Variants in STK10 observed in about 807,000 individuals in gnomAD.
STK10 encodes serine/threonine kinase 10.
STK10 carries 78 observed loss-of-function variants against 113.8 expected under a neutral mutation model. The observed-to-expected ratio is 0.69, with a 90% CI of 0.57 to 0.83. The LOEUF (loss-of-function observed/expected upper bound fraction) is 0.83. Among genes scored for constraint, STK10 ranks in the 40% least tolerant of loss-of-function variants. The pLI, the probability that STK10 is intolerant of heterozygous loss-of-function variation, is 0.00. For missense variants in STK10, 1,109 were observed against 1,280.1 expected (o/e 0.87, Z 2.04); for synonymous variants, 465 against 494.7 (o/e 0.94, Z 0.80).
chr5:172,163,941 G>A (rs1205757258), intron 1 of STK10, among the ~76,000 whole-genome samples: 1 of 152,128 alleles, frequency 6.6e-6, no homozygotes, highest in African/African-American at 2.4e-5. Context: ...GCCAGGCGCG[G>A]TGGCTGACCC....
At chr5:172,058,787 G>A (rs1191576836) in intron 14 of STK10, among the ~76,000 whole-genome samples, 19 of 152,066 alleles carry the variant, frequency 1.2e-4, no homozygotes, top group Admixed American at 1.2e-3. Context: ...CTGCTCAGGG[G>A]CCTAAGGCAT....
In STK10 at chr5:172,082,429, TG is replaced by T; in HGVS notation, c.1885del (p.Gln629LysfsTer31). The T allele has an allele frequency of 6.2e-7, 1 of 1,612,146 alleles. No individual in the cohort carries two copies. Among genetic ancestry groups the T allele is most frequent in the Non-Finnish European group, 8.5e-7 (1 of 1,179,118 alleles). ...QQKQQVEKME[Q>X]DHAVRRREEA... ...CTCCCGGCGGCGCACGGCATGGTCT[TG>T]CTCCATCTTCTCCACTTGCTGCTTT... On this transcript the variant is annotated frameshift_variant, in exon 12 of 19. Coordinates refer to ENST00000176763, the MANE Select transcript of STK10 (RefSeq NM_005990.4). LOFTEE classifies it high-confidence loss of function. This position sits in a 1 kb window ranked among gnomAD's most constrained non-coding sequence, Gnocchi z 4.3.
intron 7 of STK10, among the ~76,000 whole-genome samples, chr5:172,100,111 A>C (rs140978873): frequency 4.7e-4 from 72 of 152,308 alleles, no homozygotes; most frequent in African/African-American, 1.7e-3. Context: ...CTGGGACACA[A>C]AACACAGACC....
intron 1 of STK10, among the ~76,000 whole-genome samples, chr5:172,173,375 C>G (rs1054053449): frequency 6.6e-6 from 1 of 152,210 alleles, no homozygotes; most frequent in Non-Finnish European, 1.5e-5. Context: ...CTGGCTCTGA[C>G]AGTGGCAACT....
Position 172,188,156 on chromosome 5 carries a change from C to T in STK10, c.-114G>A, listed in dbSNP as rs1435520356. ...AGGACGCCGCGTCTCTCGGGGTTCT[C>T]CCCAGACCCGCCTTTCCCCGCAGCC... On this transcript the variant is annotated 5_prime_UTR_variant, in exon 1 of 19. Coordinates refer to ENST00000176763, the MANE Select transcript of STK10 (RefSeq NM_005990.4). The surrounding 1 kb of genome is among the most constrained non-coding windows in gnomAD (Gnocchi z 5.6). 2 of 1,458,902 alleles carry T rather than the reference C, an allele frequency of 1.4e-6. No homozygotes were observed. The highest frequency in any genetic ancestry group is 1.4e-5 in the African/African-American group (1 of 69,652). 90.4% of individuals were successfully genotyped at this position (1,458,902 alleles called of 1,614,324 possible).
chr5:172,179,514 C>G (rs780972674), intron 1 of STK10, among the ~76,000 whole-genome samples: 1 of 152,182 alleles, frequency 6.6e-6, no homozygotes. Flanking sequence ...CTGTTTGTTT[C>G]GATCCCTTCC....
At chr5:172,179,621 C>CGGGCCCCCCT (rs3839236) in intron 1 of STK10, among the ~76,000 whole-genome samples, 1 of 151,758 alleles carries the variant, frequency 6.6e-6, no homozygotes, top group African/African-American at 2.4e-5. Context: ...ACGCAGAAGC[C>CGGGCCCCCCT]GAAGGGCGTC....
rs1270330224 is a variant in STK10, at chr5:172,067,676, A to AT, written c.1990-2865dup. On this transcript the variant is annotated intron_variant, in intron 12 of 18. Coordinates refer to ENST00000176763, the MANE Select transcript of STK10 (RefSeq NM_005990.4). Reference sequence around the variant, plus strand: ...AAATTAGAAAATTTAAAACTAAACAATACAATGTCTGAAATTAAAATAAAA... The same window carrying AT: ...AAATTAGAAAATTTAAAACTAAACAATTACAATGTCTGAAATTAAAATAAAA... 3.3e-5 allele frequency among the ~76,000 whole-genome samples: 5 copies of AT among 151,888 alleles called. No individual in the cohort carries two copies. The East Asian group carries it at 9.6e-4, about 29-fold the overall frequency.
intron 3 of STK10, among the ~76,000 whole-genome samples, chr5:172,124,236 A>G (rs1159434855): frequency 6.6e-6 from 1 of 152,076 alleles, no homozygotes; most frequent in South Asian, 2.1e-4. Context: ...ATCTCTTATC[A>G]TAACTCTTTA....
intron 12 of STK10, among the ~76,000 whole-genome samples, chr5:172,065,514 C>T (rs765383460): frequency 2.0e-5 from 3 of 152,040 alleles, no homozygotes; most frequent in South Asian, 2.1e-4. Context: ...CATGTGCCAC[C>T]GCGCCTGGCC....
intron 12 of STK10, among the ~76,000 whole-genome samples, chr5:172,074,090 T>A (rs1768258959): frequency 6.6e-6 from 1 of 152,176 alleles, no homozygotes; most frequent in African/African-American, 2.4e-5. Context: ...AGATATGTTA[T>A]GCTCAATATT....
intron 12 of STK10, 137 bp from the exon 13 acceptor site, chr5:172,064,949 G>A: frequency 4.6e-6 from 4 of 869,602 alleles, no homozygotes; most frequent in Non-Finnish European, 7.1e-6. Flanking sequence ...ACCCTACGCG[G>A]CTCCCCACCA....
rs201706665 is a variant in STK10 at position 172,072,530 on chromosome 5, A to G, written c.1990-7718T>C. On this transcript the variant is annotated intron_variant, in intron 12 of 18. Transcript: ENST00000176763. ...TGATCCGCCTGCCTCGGCCTCCCAAAGTGCTAGGATTACAGGCGTGAGCCA... is the reference window on the plus strand; with the variant it reads ...TGATCCGCCTGCCTCGGCCTCCCAAGGTGCTAGGATTACAGGCGTGAGCCA... Among the ~76,000 whole-genome samples the G allele has an allele frequency of 1.4e-4, 21 of 152,272 alleles. No homozygotes were observed. The East Asian group carries it at 3.9e-3, about 28-fold the overall frequency.
chr5:172,089,439 T>A (rs972635605), intron 10 of STK10, among the ~76,000 whole-genome samples: 3 of 148,496 alleles, frequency 2.0e-5, no homozygotes, highest in Admixed American at 6.7e-5. Flanking sequence ...GATGGATGGA[T>A]GGATGGATGG....
At chr5:172,150,047 C>CAAAAAAAAAAAAAAAAAAA in intron 2 of STK10, among the ~76,000 whole-genome samples, 1 of 87,124 alleles carries the variant, frequency 1.1e-5, no homozygotes, top group Non-Finnish European at 2.3e-5. Flanking sequence ...AACTTTGTCT[C>CAAAAAAAAAAAAAAAAAAA]AAAAAAAAAA....
At chr5:172,049,484 T>C (rs1767579603) in intron 18 of STK10, among the ~76,000 whole-genome samples, 1 of 151,988 alleles carries the variant, frequency 6.6e-6, no homozygotes, top group Non-Finnish European at 1.5e-5. Flanking sequence ...GCATATGGCA[T>C]GGAGATCTAT....
chr5:172,117,511 G>A lies in STK10; in HGVS notation c.490C>T (p.Leu164=). The A allele has an allele frequency of 6.2e-7, 1 of 1,612,724 alleles. No homozygotes were observed. The highest frequency in any genetic ancestry group is 8.5e-7 in the Non-Finnish European group (1 of 1,179,958). Residue 164 remains leucine, a synonymous_variant, in exon 4 of 19, where the codon CTG becomes TTG. Transcript: ENST00000176763. ...IHRDLKAGNV[L]MTLEGDIRLA... is the part of the protein sequence containing the mutation. ...CTGATGTCTCCCTCGAGGGTCATCA[G>A]CACGTTGCCAGCTTTCAGATCTCGG...
intron 3 of STK10, among the ~76,000 whole-genome samples, chr5:172,118,010 C>CAAAAAAAAAAAAAAAA: frequency 2.9e-5 from 2 of 69,826 alleles, no homozygotes; most frequent in African/African-American, 4.7e-5. Context: ...TACTCCATCT[C>CAAAAAAAAAAAAAAAA]AAAAAAAAAA....
chr5:172,141,582 CAA>C (rs71310034), intron 2 of STK10, among the ~76,000 whole-genome samples: 26 of 116,622 alleles, frequency 2.2e-4, no homozygotes, highest in Middle Eastern at 4.9e-3. Flanking sequence ...GACCCTGTCT[CAA>C]AAAAAAAAAA....
Sources: allele counts gnomAD v4.1 joint callset (sites outside exome capture counted in the v4.1 genomes callset), GRCh38; gene constraint gnomAD v4.1.1; non-coding constraint Gnocchi (gnomAD v3.1); transcripts MANE v1.5; gene names NCBI Gene and HGNC (gene_info 2026-07-23, HGNC 2026-07-21).